Variants in SRGAP2 observed in about 807,000 individuals in gnomAD.
The protein encoded by SRGAP2 is SLIT-ROBO Rho GTPase activating protein 2.
Under a neutral mutation model 57.2 loss-of-function variants are expected in SRGAP2, and 15 were observed. The ratio of observed to expected loss-of-function variants is 0.26; its 90% CI spans 0.18 to 0.40. The LOEUF (loss-of-function observed/expected upper bound fraction) is 0.40. Among genes scored for constraint, SRGAP2 ranks in the 10% least tolerant of loss-of-function variants. The probability of loss-of-function intolerance (pLI) is 1.00; values close to 1 mark genes in which losing one functional copy is unlikely to be tolerated. For missense variants in SRGAP2, 520 were observed against 669.6 expected, an observed-to-expected ratio of 0.78 and a Z score of 2.47; for synonymous variants, 249 against 248.0, an observed-to-expected ratio of 1.00 and a Z score of -0.04.
intron 17 of SRGAP2, among the ~76,000 whole-genome samples, chr1:206,441,184 G>C (rs1662264015): frequency 6.6e-6 from 1 of 152,166 alleles, no homozygotes. Flanking sequence ...ACAATGTGTT[G>C]ATGTGGTCAT....
At chr1:206,248,540 G>A (rs1162934371) in intron 2 of SRGAP2, among the ~76,000 whole-genome samples, 1 of 152,076 alleles carries the variant, frequency 6.6e-6, no homozygotes, top group Non-Finnish European at 1.5e-5. Flanking sequence ...CTATCAAACT[G>A]CAGATCTTTT....
chr1:206,450,994 G>C (rs555544980), intron 19 of SRGAP2, among the ~76,000 whole-genome samples: 2 of 151,202 alleles, frequency 1.3e-5, no homozygotes, highest in East Asian at 3.9e-4. Flanking sequence ...CAGCATCCCT[G>C]TAGTGCCAGC....
At chr1:206,427,153 A>T (rs1213204996) in intron 13 of SRGAP2, among the ~76,000 whole-genome samples, 1 of 152,060 alleles carries the variant, frequency 6.6e-6, no homozygotes, top group African/African-American at 2.4e-5. Context: ...ATATGGTGAG[A>T]GATAGGATCT....
chr1:206,396,166 A>T (rs184663459), intron 7 of SRGAP2, among the ~76,000 whole-genome samples: 2,256 of 151,338 alleles, frequency 0.015, 61 homozygotes, highest in African/African-American at 0.052. Flanking sequence ...GTATTTTTTT[A>T]GTAGAGACAG....
chr1:206,262,535 T>C (rs2102628552), intron 2 of SRGAP2, among the ~76,000 whole-genome samples: 1 of 151,806 alleles, frequency 6.6e-6, no homozygotes, highest in South Asian at 2.1e-4. Flanking sequence ...GAGGAAGGTA[T>C]TAGTTGCCAT....
At chr1:206,375,622 C>T (rs1344262341) in intron 4 of SRGAP2, among the ~76,000 whole-genome samples, 5 of 152,082 alleles carry the variant, frequency 3.3e-5, no homozygotes, top group African/African-American at 4.8e-5. Flanking sequence ...CATGGAAGAA[C>T]ATTCAGATTA....
Position 206,435,420 on chromosome 1 carries a change from CA to C in SRGAP2, c.1556-1544del, listed in dbSNP as rs376599079. On this transcript the variant is annotated intron_variant, in intron 14 of 22. Coordinates refer to ENST00000573034, the MANE Select transcript of SRGAP2 (RefSeq NM_015326.5). ...TGACAGAATGCTTAAGATTGAGACC[CA>C]GGGATCCTGAGAAAAGCTGAGCGGT... 1.5e-3 allele frequency among the ~76,000 whole-genome samples: 225 copies of C among 152,308 alleles called. 1 individual carries two copies. The highest frequency in any genetic ancestry group is 5.2e-3 in the African/African-American group (218 of 41,562).
intron 4 of SRGAP2, among the ~76,000 whole-genome samples, chr1:206,354,915 A>C (rs1374751012): frequency 6.6e-6 from 1 of 151,172 alleles, no homozygotes; most frequent in African/African-American, 2.4e-5. Context: ...TTTAAATTTT[A>C]TAGTAGATGT....
intron 18 of SRGAP2, among the ~76,000 whole-genome samples, chr1:206,447,173 ACCTCCCCCTCCT>A (rs1662827917): frequency 6.6e-6 from 1 of 150,766 alleles, no homozygotes; most frequent in Admixed American, 6.6e-5. Context: ...AACGTCCCTT[ACCTCCCCCTCCT>A]CCTCCCCCTC....
intron 2 of SRGAP2, among the ~76,000 whole-genome samples, chr1:206,298,976 C>T (rs1352797686): frequency 2.0e-5 from 3 of 152,158 alleles, no homozygotes; most frequent in Non-Finnish European, 4.4e-5. Context: ...GGGCTTAGAC[C>T]TGTCTTTTCC....
chr1:206,394,038 C>CTTTTTT (rs577375533), intron 7 of SRGAP2, among the ~76,000 whole-genome samples: 1 of 49,900 alleles, frequency 2.0e-5, no homozygotes, highest in Non-Finnish European at 3.2e-5. Context: ...TACTTTCTTC[C>CTTTTTT]TTTTTTTTTT....
At chr1:206,370,245 G>A (rs1303673395) in intron 4 of SRGAP2, among the ~76,000 whole-genome samples, 2 of 151,802 alleles carry the variant, frequency 1.3e-5, no homozygotes, top group African/African-American at 4.9e-5. Context: ...CAGCCTGGGC[G>A]ACAGAGCGAG....
Position 206,303,435 on chromosome 1 carries a change from C to T in SRGAP2, c.222C>T (p.Phe74=), listed in dbSNP as rs1171736311. 20 of 1,547,334 alleles carry T rather than the reference C, an allele frequency of 1.3e-5. 1 individual carries two copies. In the East Asian group the frequency reaches 4.9e-4, roughly 38 times the overall value. Residue 74 remains phenylalanine, a synonymous_variant, in exon 3 of 23, where the codon TTC becomes TTT. Coordinates refer to ENST00000573034, the MANE Select transcript of SRGAP2 (RefSeq NM_015326.5). ...SRNLEKLAER[F]LAKTRSTKDQ... is the part of the protein sequence containing the mutation. ...ACCTGGAGAAGCTGGCAGAACGCTT[C>T]CTGGCCAAGACACGCAGCACCAAGG...
chr1:206,359,982 AT>A (rs1246531866), intron 4 of SRGAP2, among the ~76,000 whole-genome samples: 5 of 150,024 alleles, frequency 3.3e-5, no homozygotes, highest in African/African-American at 1.2e-4. Context: ...AATTTTTTGT[AT>A]TTTTAGTAGA....
chr1:206,326,951 C>T (rs1361517645), intron 3 of SRGAP2, among the ~76,000 whole-genome samples: 2 of 152,096 alleles, frequency 1.3e-5, no homozygotes, highest in African/African-American at 2.4e-5. Context: ...TTGCTTGAGC[C>T]CAGGAGTTTG....
intron 7 of SRGAP2, among the ~76,000 whole-genome samples, chr1:206,397,606 C>T (rs550769210): frequency 1.2e-4 from 17 of 145,122 alleles, no homozygotes; most frequent in African/African-American, 3.8e-4. Context: ...TAGGAATCCA[C>T]GTGAGGCATC....
chr1:206,229,701 A>T lies in SRGAP2; in HGVS notation c.67+23664A>T, dbSNP rs530233735. Among the ~76,000 whole-genome samples, 125 of 151,654 alleles carry T rather than the reference A, an allele frequency of 8.2e-4. 2 individuals carry two copies. The highest frequency in any genetic ancestry group is 2.9e-3 in the African/African-American group (121 of 41,288). On this transcript the variant is annotated intron_variant, in intron 2 of 22. Coordinates refer to ENST00000573034, the MANE Select transcript of SRGAP2 (RefSeq NM_015326.5). ...AACACTTTTTTTTGTCCTCTCAGAG[A>T]CTCTATTTGTACTTGGTCTTTTCTT... is the stretch of plus-strand genomic sequence containing the variant.
Position 206,446,211 on chromosome 1 carries a change from A to G in SRGAP2, c.2011A>G (p.Ile671Val). The change falls in exon 18 of 23, where the codon ATC becomes GTC. Residue 671 changes from isoleucine to valine, a missense_variant. Physicochemically the swap from Ile to Val is conservative, Grantham distance 29. Around this residue, in one of 5 missense-constraint regions of SRGAP2, gnomAD observed 478 missense variants for 373.6 expected, o/e 1.28. Coordinates refer to ENST00000573034, the MANE Select transcript of SRGAP2 (RefSeq NM_015326.5). ...CCACGTGAATGAGCTGATCAAAACC[A>G]TCATCATCCAGCATGAGAACATCTT... ...QAHVNELIKT[I>V]IIQHENIFPS... 1.3e-6 allele frequency: 1 copy of G among 780,948 alleles called. No homozygotes were observed. The highest frequency in any genetic ancestry group is 1.3e-5 in the South Asian group (1 of 74,632). 48.4% of individuals were successfully genotyped at this position (780,948 alleles called of 1,614,324 possible). A position where few individuals can be genotyped will look rare whatever the true frequency, so the allele number is the denominator to read the frequency against.
chr1:206,367,383 G>T (rs1654125489), intron 4 of SRGAP2, among the ~76,000 whole-genome samples: 1 of 151,774 alleles, frequency 6.6e-6, no homozygotes, highest in South Asian at 2.1e-4. Context: ...AGCATTGAAG[G>T]AGTTTATGAG....
Sources: allele counts gnomAD v4.1 joint callset (sites outside exome capture counted in the v4.1 genomes callset), GRCh38; gene constraint gnomAD v4.1.1; regional missense constraint gnomAD v4.1.1; transcripts MANE v1.5; gene names NCBI Gene and HGNC (gene_info 2026-07-23, HGNC 2026-07-21).